DLG2: variants seen among roughly 807,000 people sequenced by gnomAD.
DLG2 encodes the protein disks large homolog 2.
DLG2 carries 45 observed loss-of-function variants against 132.5 expected under a neutral mutation model. The ratio of observed to expected loss-of-function variants is 0.34; its 90% CI spans 0.27 to 0.44. DLG2 has a LOEUF of 0.44. Ranked by LOEUF, DLG2 falls within the 20% of genes least tolerant of loss-of-function variation. DLG2 has a pLI of 1.00. For missense variants in DLG2, 1,045 were observed against 1,196.9 expected (o/e 0.87, Z 1.87); for synonymous variants, 424 against 419.6 (o/e 1.01, Z -0.13).
intron 4 of DLG2, among the ~76,000 whole-genome samples, chr11:85,168,978 C>G (rs2078653981): frequency 6.6e-6 from 1 of 152,166 alleles, no homozygotes; most frequent in South Asian, 2.1e-4. Context: ...GTCATCCCCT[C>G]AGTACCCATG....
chr11:84,642,135 T>TAGA (rs1380799822), intron 6 of DLG2, among the ~76,000 whole-genome samples: 1 of 147,780 alleles, frequency 6.8e-6, no homozygotes, highest in African/African-American at 2.5e-5. Flanking sequence ...TGTGTGTGTG[T>TAGA]GTGTGTGTAT....
At chr11:85,227,353 T>C (rs1372092455) in intron 4 of DLG2, among the ~76,000 whole-genome samples, 1 of 152,118 alleles carries the variant, frequency 6.6e-6, no homozygotes, top group Non-Finnish European at 1.5e-5. Context: ...ATTCCTGTCA[T>C]AGGCTTAATG....
At chr11:84,639,107 G>T (rs951272351) in intron 6 of DLG2, among the ~76,000 whole-genome samples, 1 of 152,010 alleles carries the variant, frequency 6.6e-6, no homozygotes, top group African/African-American at 2.4e-5. Flanking sequence ...TATGTTATGA[G>T]TTCCTTCTCA....
chr11:83,519,092 T>C (rs1309534550), intron 21 of DLG2, among the ~76,000 whole-genome samples: 2 of 152,182 alleles, frequency 1.3e-5, no homozygotes, highest in East Asian at 1.9e-4. Flanking sequence ...TCCATAATTA[T>C]TCATTTAATG....
intron 7 of DLG2, among the ~76,000 whole-genome samples, chr11:84,301,766 C>T (rs866617649): frequency 6.7e-6 from 1 of 150,156 alleles, no homozygotes. Flanking sequence ...AAAATTAGTA[C>T]AACCATTTTG....
chr11:84,000,484 G>C (rs79307339), intron 11 of DLG2, among the ~76,000 whole-genome samples: 1,758 of 152,030 alleles, frequency 0.012, 24 homozygotes, highest in African/African-American at 0.041. Flanking sequence ...CCCAAGTCTA[G>C]CAAGATAATT....
intron 10 of DLG2, among the ~76,000 whole-genome samples, chr11:84,098,009 T>TCCACCAA (rs1185679776): frequency 1.4e-5 from 2 of 145,076 alleles, no homozygotes; most frequent in Non-Finnish European, 3.0e-5. Flanking sequence ...CTGCACTCCC[T>TCCACCAA]CCACCAACCT....
At chr11:84,294,138 C>A (rs2098052784) in intron 7 of DLG2, among the ~76,000 whole-genome samples, 1 of 152,200 alleles carries the variant, frequency 6.6e-6, no homozygotes, top group Admixed American at 6.5e-5. Flanking sequence ...CTGGAAATTG[C>A]AGCTGTTGGC....
intron 2 of DLG2, among the ~76,000 whole-genome samples, chr11:85,616,190 T>C (rs2081327394): frequency 6.6e-6 from 1 of 152,074 alleles, no homozygotes; most frequent in Non-Finnish European, 1.5e-5. Context: ...ACTCATACAG[T>C]AAAAAGGAAA....
At chr11:84,174,014 C>CTTTTTTTT (rs11338428) in intron 8 of DLG2, among the ~76,000 whole-genome samples, 29,091 of 60,546 alleles carry the variant, frequency 0.48, 9,700 homozygotes, top group South Asian at 0.64. Flanking sequence ...ACCCCCCGGC[C>CTTTTTTTT]TTTTTTTTTT....
chr11:84,688,189 A>G (rs540937536), intron 6 of DLG2, among the ~76,000 whole-genome samples: 19 of 152,300 alleles, frequency 1.2e-4, no homozygotes, highest in Admixed American at 3.9e-4. Context: ...CCTATTTAGC[A>G]CCATAAACAT....
chr11:84,965,261 C>T (rs145762286), intron 6 of DLG2, among the ~76,000 whole-genome samples: 96 of 152,094 alleles, frequency 6.3e-4, no homozygotes, highest in Non-Finnish European at 1.1e-3. Flanking sequence ...TTCTTGATCT[C>T]CCAGTGGCTG....
intron 21 of DLG2, among the ~76,000 whole-genome samples, chr11:83,508,835 A>G (rs1321393790): frequency 6.6e-6 from 1 of 152,230 alleles, no homozygotes; most frequent in Non-Finnish European, 1.5e-5. Flanking sequence ...CGGACTCCAA[A>G]GACCAAACTT....
intron 8 of DLG2, among the ~76,000 whole-genome samples, chr11:84,212,398 C>G (rs2096768290): frequency 6.6e-6 from 1 of 152,110 alleles, no homozygotes; most frequent in Non-Finnish European, 1.5e-5. Flanking sequence ...CATAAAATTA[C>G]AAAAACACAA....
intron 6 of DLG2, among the ~76,000 whole-genome samples, chr11:84,729,872 A>C (rs1011818796): frequency 1.3e-5 from 2 of 151,896 alleles, no homozygotes; most frequent in Non-Finnish European, 2.9e-5. Flanking sequence ...GCCACCTCCT[A>C]GGTAGAAGGA....
chr11:83,588,410 T>G (rs1307538208), intron 19 of DLG2, among the ~76,000 whole-genome samples: 1 of 151,928 alleles, frequency 6.6e-6, no homozygotes, highest in Non-Finnish European at 1.5e-5. Flanking sequence ...CCAACAGACC[T>G]GCAGCTGAGG....
chr11:84,878,571 G>A (rs2086782815), intron 6 of DLG2, among the ~76,000 whole-genome samples: 1 of 152,118 alleles, frequency 6.6e-6, no homozygotes, highest in African/African-American at 2.4e-5. Context: ...TGGGTGGCTA[G>A]GGGAGGGATA....
chr11:83,471,816 G>A, intron 23 of DLG2, 89 bp from the exon 24 acceptor site: 1 of 995,924 alleles, frequency 1.0e-6, no homozygotes, highest in Admixed American at 2.0e-5. Flanking sequence ...TTAATTGCCA[G>A]ACAGTAAGAG....
In DLG2 at chr11:84,323,986, A is replaced by G. The variant is rs1313927987; in HGVS notation, c.520-72695T>C. Among the ~76,000 whole-genome samples the G allele has an allele frequency of 1.3e-5, 2 of 151,952 alleles. 1 individual carries two copies. The highest frequency in any genetic ancestry group is 4.2e-4 in the South Asian group (2 of 4,806). On this transcript the variant is annotated intron_variant, in intron 7 of 27. Transcript: ENST00000376104. ...CCCTTATCAAGTATATACTTCGCAA[A>G]TATTTTATCCCATTGTGTAGGTTAC...
Sources: allele counts gnomAD v4.1 joint callset (sites outside exome capture counted in the v4.1 genomes callset), GRCh38; gene constraint gnomAD v4.1.1; transcripts MANE v1.5; gene names NCBI Gene and HGNC (gene_info 2026-07-23, HGNC 2026-07-21).